Variants in TBC1D8 observed in about 807,000 individuals in gnomAD.
TBC1D8 encodes BUB2-like protein 1.
TBC1D8 carries 65 observed loss-of-function variants against 118.8 expected under a neutral mutation model. That is an observed-to-expected ratio of 0.55 (90% confidence interval 0.45 to 0.67). The LOEUF (loss-of-function observed/expected upper bound fraction) is 0.67, where lower values mean the gene tolerates loss of function less well. Ranked by LOEUF, TBC1D8 falls within the 30% of genes least tolerant of loss-of-function variation. The pLI is 0.00. For missense variants in TBC1D8, 1,376 were observed against 1,471.2 expected (o/e 0.94, Z 1.06); for synonymous variants, 566 against 595.8 (o/e 0.95, Z 0.73).
At chr2:101,045,123 T>C (rs562785716) in intron 5 of TBC1D8, among the ~76,000 whole-genome samples, 2 of 152,200 alleles carry the variant, frequency 1.3e-5, no homozygotes, top group South Asian at 4.1e-4. Context: ...ACAACAAACA[T>C]CAGATTTGTT....
At chr2:101,040,492 CAG>C (rs1681316156) in intron 5 of TBC1D8, 107 bp from the exon 6 acceptor site, 1 of 1,177,280 alleles carries the variant, frequency 8.5e-7, no homozygotes, top group Non-Finnish European at 1.2e-6. Flanking sequence ...ATTTTTGAGA[CAG>C]AGTCTCGCTC....
chr2:101,054,738 A>AGT (rs1440130636), intron 3 of TBC1D8, among the ~76,000 whole-genome samples: 2 of 123,730 alleles, frequency 1.6e-5, no homozygotes, highest in Non-Finnish European at 1.6e-5. Flanking sequence ...GCTGGAGTGC[A>AGT]GTGGCACGAT....
chr2:101,096,899 G>A (rs1321734216), intron 1 of TBC1D8, among the ~76,000 whole-genome samples: 2 of 152,036 alleles, frequency 1.3e-5, no homozygotes, highest in African/African-American at 4.8e-5. Context: ...AATAATAGGA[G>A]AAGAGATAGT....
At chr2:101,133,869 T>A (rs112947798) in intron 1 of TBC1D8, among the ~76,000 whole-genome samples, 1 of 152,110 alleles carries the variant, frequency 6.6e-6, no homozygotes, top group African/African-American at 2.4e-5. Flanking sequence ...GGTGGAAGGC[T>A]AAGGGGAAGC....
rs778496824 is a variant in TBC1D8 at position 101,011,491 on chromosome 2, CAG to C, written c.2875_2876del (p.Leu959ValfsTer15). On this transcript the variant is annotated frameshift_variant, in exon 18 of 20. Coordinates refer to ENST00000409318, the MANE Select transcript of TBC1D8 (RefSeq NM_001330348.2). LOFTEE classifies it high-confidence loss of function. ...AAACCAGGGGTCTCGATGTTGACAA[CAG>C]AGGATTCCTCAACGGCGACTGGCTG... ...RDSQSPLRNP[L>X]LSTSRPLVFG... is the part of the protein sequence containing the mutation. 43 of 1,613,750 alleles carry C rather than the reference CAG, an allele frequency of 2.7e-5. No homozygotes were observed. Among genetic ancestry groups the C allele is most frequent in the Non-Finnish European group, 3.4e-5 (40 of 1,179,874 alleles).
chr2:101,115,750 CA>C (rs374743483), intron 1 of TBC1D8, among the ~76,000 whole-genome samples: 89 of 143,262 alleles, frequency 6.2e-4, no homozygotes, highest in Non-Finnish European at 8.0e-4. Flanking sequence ...GACCTTGTTT[CA>C]AAAAAAAAAA....
chr2:101,110,736 G>A (rs1361811092), intron 1 of TBC1D8, among the ~76,000 whole-genome samples: 2 of 152,006 alleles, frequency 1.3e-5, no homozygotes, highest in Admixed American at 6.6e-5. Flanking sequence ...CAGCACTTTC[G>A]GAGGCGGGTG....
chr2:101,022,336 G>A lies in TBC1D8; in HGVS notation c.2706C>T (p.Leu902=). 1.2e-6 allele frequency: 2 copies of A among 1,612,704 alleles called. No individual in the cohort carries two copies. ...TGAGCTGGTCCATGTTGTCATCCAAGAGCCTGAACGTCCTTTCGGCGAGGA... is the reference window on the plus strand; with the variant it reads ...TGAGCTGGTCCATGTTGTCATCCAAAAGCCTGAACGTCCTTTCGGCGAGGA... ...TEILAERTFR[L]LDDNMDQLIE... The change falls in exon 16 of 20, where the codon CTC becomes CTT. Residue 902 remains leucine, a synonymous_variant. Coordinates refer to ENST00000409318, the MANE Select transcript of TBC1D8 (RefSeq NM_001330348.2).
chr2:101,032,575 C>G, intron 10 of TBC1D8, 190 bp from the exon 11 acceptor site: 2 of 535,098 alleles, frequency 3.7e-6, no homozygotes. Flanking sequence ...AGGACACGCC[C>G]AGCTGAGCGA....
At chr2:101,033,147 T>C (rs1231951288) in intron 10 of TBC1D8, among the ~76,000 whole-genome samples, 1 of 150,130 alleles carries the variant, frequency 6.7e-6, no homozygotes. Flanking sequence ...AGACAGAGTC[T>C]CGCTCTGTTG....
chr2:101,012,894 G>A (rs1173741094), intron 17 of TBC1D8, among the ~76,000 whole-genome samples: 3 of 152,182 alleles, frequency 2.0e-5, no homozygotes, highest in Non-Finnish European at 2.9e-5. Context: ...TGCCCAAAAC[G>A]AATTTTGTGC....
chr2:101,016,065 TG>T (rs1679610636), intron 17 of TBC1D8, among the ~76,000 whole-genome samples: 1 of 151,700 alleles, frequency 6.6e-6, no homozygotes, highest in Non-Finnish European at 1.5e-5. Context: ...AAGCCAAAAT[TG>T]ACAAATGGGA....
In TBC1D8 at chr2:101,027,253, A is replaced by G. The variant is rs564132259; in HGVS notation, c.2520+130T>C. On this transcript the variant is annotated intron_variant, in intron 15 of 19. Transcript: ENST00000409318. ...AGGTAGGCAGGCTAAGACAGCTTCA[A>G]GGGGGGCAGCTCCGGCCTCTGCTCC... The G allele has an allele frequency of 8.0e-6, 6 of 752,682 alleles. No homozygotes were observed. In the South Asian group the frequency reaches 9.6e-5, roughly 12 times the overall value. 46.6% of individuals were successfully genotyped at this position (752,682 alleles called of 1,614,324 possible).
At chr2:101,085,042 G>A (rs1282897887) in intron 2 of TBC1D8, among the ~76,000 whole-genome samples, 4 of 151,476 alleles carry the variant, frequency 2.6e-5, no homozygotes, top group East Asian at 1.9e-4. Flanking sequence ...TAGTAGAGTC[G>A]GGGTTTCACC....
At chr2:101,030,958 C>T (rs1004651418) in intron 11 of TBC1D8, among the ~76,000 whole-genome samples, 1 of 152,220 alleles carries the variant, frequency 6.6e-6, no homozygotes, top group African/African-American at 2.4e-5. Context: ...TGATAGAACT[C>T]AGTACCAGGT....
rs370645253 is a variant in TBC1D8 at position 101,137,084 on chromosome 2, G to A, written c.127+14043C>T. On this transcript the variant is annotated intron_variant, in intron 1 of 19. Transcript: ENST00000409318. The stretch of plus-strand genomic sequence containing the variant: ...TTTGGCTTTTGTCGCCCAGGCTGGA[G>A]TGCAATGGCGCGATCTCGGCTCATC... Among the ~76,000 whole-genome samples, 44 of 148,150 alleles carry A rather than the reference G, an allele frequency of 3.0e-4. 2 individuals are homozygous for A. The South Asian group carries it at 7.8e-3, about 26-fold the overall frequency.
At chr2:101,150,608 T>C (rs78507210) in intron 1 of TBC1D8, among the ~76,000 whole-genome samples, 22,288 of 152,204 alleles carry the variant, frequency 0.15, 1,727 homozygotes, top group South Asian at 0.2. Context: ...CACCCTCAGT[T>C]TCCCCTCCGG....
At chr2:101,093,379 ATACATGTATTTGTTGACACATT>A (rs1455833899) in intron 1 of TBC1D8, among the ~76,000 whole-genome samples, 14 of 152,148 alleles carry the variant, frequency 9.2e-5, no homozygotes, top group African/African-American at 3.4e-4. Context: ...ACACACACAT[ATACATGTATTTGTTGACACATT>A]TACATGTATT....
At chr2:101,041,322 G>GT (rs1681372520) in intron 5 of TBC1D8, among the ~76,000 whole-genome samples, 1 of 152,164 alleles carries the variant, frequency 6.6e-6, no homozygotes, top group South Asian at 2.1e-4. Flanking sequence ...AAAATGTAGT[G>GT]TATCCATACA....
Sources: allele counts gnomAD v4.1 joint callset (sites outside exome capture counted in the v4.1 genomes callset), GRCh38; gene constraint gnomAD v4.1.1; transcripts MANE v1.5; gene names NCBI Gene and HGNC (gene_info 2026-07-23, HGNC 2026-07-21).